The following ZSCAN18 variants were observed in gnomAD, a reference collection of about 807,000 sequenced individuals.
ZSCAN18 encodes zinc finger and SCAN domain containing 18, also known as zinc finger and SCAN domain-containing protein 18.
ZSCAN18 carries 16 observed loss-of-function variants against 31.1 expected under a neutral mutation model. The ratio of observed to expected loss-of-function variants is 0.51; its 90% CI spans 0.35 to 0.78. The LOEUF (loss-of-function observed/expected upper bound fraction) is 0.78. Among genes scored for constraint, ZSCAN18 ranks in the 30% least tolerant of loss-of-function variants. The pLI is 0.01. For missense variants in ZSCAN18, 731 were observed against 697.4 expected, an observed-to-expected ratio of 1.05 and a Z score of -0.54; for synonymous variants, 375 against 320.7, an observed-to-expected ratio of 1.17 and a Z score of -1.81.
chr19:58,118,367 C>T (rs1419695504), exon 1 of ZSCAN18: 3 of 1,533,584 alleles, frequency 2.0e-6, no homozygotes, highest in Non-Finnish European at 2.6e-6. Flanking sequence ...CCGTAGCGTC[C>T]TCGTCAGCTC....
chr19:58,104,972 G>A (rs2074624569), intron 1 of ZSCAN18, among the ~76,000 whole-genome samples: 2 of 152,220 alleles, frequency 1.3e-5, no homozygotes, highest in South Asian at 4.1e-4. Context: ...CTAGAAAGAA[G>A]TCAGTGCCTA....
intron 1 of ZSCAN18, among the ~76,000 whole-genome samples, chr19:58,117,459 G>C (rs569937952): frequency 1.3e-5 from 2 of 152,280 alleles, no homozygotes; most frequent in East Asian, 3.9e-4. Context: ...TGGGTAGGAA[G>C]GGGAAGGAAC....
In ZSCAN18 at chr19:58,085,131, C is replaced by G. The variant is rs780145174; in HGVS notation, c.1087G>C (p.Gly363Arg). 1 of 1,609,218 alleles carries G rather than the reference C, an allele frequency of 6.2e-7. No homozygotes were observed. Among genetic ancestry groups the G allele is most frequent in the African/African-American group, 1.3e-5 (1 of 74,940 alleles). Residue 363 changes from glycine (G) to arginine (R), a missense_variant, in exon 7 of 7, where the codon GGC becomes CGC. This residue lies in a region of ZSCAN18 where 597 missense variants were observed against 499.5 expected (regional missense o/e 1.20). Coordinates refer to ENST00000601144, the MANE Select transcript of ZSCAN18 (RefSeq NM_001145543.2). ...CTCTTGGTTCCCAGTTTCGCCGTGC[C>G]CCTGTCCGGGGCAGGCTGCTGGATG... ...SVIQQPAPDR[G>R]TAKLGTKRPH...
chr19:58,085,482 C>G, intron 6 of ZSCAN18, 103 bp from the exon 7 acceptor site: 1 of 1,052,704 alleles, frequency 9.5e-7, no homozygotes, highest in East Asian at 2.7e-5. Context: ...GGGCTCCGGG[C>G]TCTGGATCCC....
chr19:58,107,971 C>T (rs750933245), intron 1 of ZSCAN18: 810 of 1,054,032 alleles, frequency 7.7e-4, no homozygotes, highest in Non-Finnish European at 8.9e-4. Flanking sequence ...ATGAGGCCCG[C>T]GATGTTCCTG....
chr19:58,090,993 G>C lies in ZSCAN18; in HGVS notation c.-119-607C>G, dbSNP rs982728131. 6.6e-6 allele frequency among the ~76,000 whole-genome samples: 1 copy of C among 151,996 alleles called. No individual in the cohort carries two copies. On this transcript the variant is annotated intron_variant, in intron 1 of 6. Coordinates refer to ENST00000601144, the MANE Select transcript of ZSCAN18 (RefSeq NM_001145543.2). The surrounding 1 kb of genome is among the most constrained non-coding windows in gnomAD (Gnocchi z 4.7). ...GATGTAAAAACCTTGAAATAGGCCAGGCGCGGTGGCTCACGCCCATAATCC... is the reference window on the plus strand; with the variant it reads ...GATGTAAAAACCTTGAAATAGGCCACGCGCGGTGGCTCACGCCCATAATCC...
upstream of ZSCAN18, among the ~76,000 whole-genome samples, chr19:58,099,453 T>C (rs2074573983): frequency 6.6e-6 from 1 of 152,192 alleles, no homozygotes; most frequent in Non-Finnish European, 1.5e-5. Context: ...TATTGAGAAG[T>C]AGTATTCTAT....
intron 1 of ZSCAN18, among the ~76,000 whole-genome samples, chr19:58,107,122 G>A (rs898386224): frequency 5.3e-5 from 8 of 152,052 alleles, no homozygotes; most frequent in African/African-American, 1.9e-4. Context: ...ATCTATGATG[G>A]GCTGCAGAAT....
chr19:58,089,826 ATCTCCTCTGAGCCATGCT>A (rs1311125500), intron 2 of ZSCAN18, 21 bp downstream of exon 2: 1 of 1,554,908 alleles, frequency 6.4e-7, no homozygotes, highest in Non-Finnish European at 8.7e-7. Context: ...TCCCCTCCCC[ATCTCCTCTGAGCCATGCT>A]TCTCCTCTGT....
chr19:58,099,940 A>C (rs2074578277), upstream of ZSCAN18, among the ~76,000 whole-genome samples: 2 of 150,412 alleles, frequency 1.3e-5, no homozygotes, highest in Non-Finnish European at 2.9e-5. Flanking sequence ...ATTTTTAAAA[A>C]AATTGCTCAG....
At chr19:58,086,363 A>G in intron 5 of ZSCAN18, 97 bp from the exon 6 acceptor site, 2 of 1,070,638 alleles carry the variant, frequency 1.9e-6, no homozygotes, top group Non-Finnish European at 2.8e-6. Flanking sequence ...GCTGCAGCCC[A>G]CCTCCTCTTC....
Position 58,090,197 on chromosome 19 carries a change from C to T in ZSCAN18, c.71G>A (p.Gly24Glu), listed in dbSNP as rs2074383400. 2 of 1,613,550 alleles carry T rather than the reference C, an allele frequency of 1.2e-6. No homozygotes were observed. Among genetic ancestry groups the T allele is most frequent in the South Asian group, 1.1e-5 (1 of 91,090 alleles). Residue 24 changes from glycine (G) to glutamate (E), a missense_variant, in exon 2 of 7, where the codon GGG becomes GAG. Around this residue, in one of 4 missense-constraint regions of ZSCAN18, gnomAD observed 86 missense variants for 119.1 expected, o/e 0.72. Transcript: ENST00000601144. The surrounding 1 kb of genome is among the most constrained non-coding windows in gnomAD (Gnocchi z 4.7). ...TTCCTGCTGGACTCCGGCTGCTGACCCCGGCGTGGGCAGATCCGGCGGGGC... is the reference window on the plus strand; with the variant it reads ...TTCCTGCTGGACTCCGGCTGCTGACTCCGGCGTGGGCAGATCCGGCGGGGC... The part of the protein sequence containing the change: ...SPAPPDLPTP[G>E]SAAGVQQEEP...
chr19:58,105,375 C>T lies in ZSCAN18; in HGVS notation c.130+12892G>A, dbSNP rs188715405. ...TTTCCAGTCTTCTTATTTAAGAATG[C>T]AGTTTAGCTGGCCCAGGCGCAGTGG... On this transcript the variant is annotated intron_variant, in intron 1 of 1. Transcript: ENST00000595721. Among the ~76,000 whole-genome samples, 5 of 152,278 alleles carry T rather than the reference C, an allele frequency of 3.3e-5. No individual in the cohort carries two copies. In the East Asian group the frequency reaches 9.6e-4, roughly 29 times the overall value.
At chr19:58,115,615 A>T (rs1476721471) in intron 1 of ZSCAN18, among the ~76,000 whole-genome samples, 2 of 152,230 alleles carry the variant, frequency 1.3e-5, no homozygotes, top group Non-Finnish European at 2.9e-5. Flanking sequence ...TTGTTAGTAT[A>T]AGAAATGCCA....
intron 1 of ZSCAN18, among the ~76,000 whole-genome samples, chr19:58,111,531 G>GTT (rs112124893): frequency 6.9e-5 from 10 of 144,878 alleles, no homozygotes; most frequent in South Asian, 2.2e-4. Flanking sequence ...TTGTTTTTTT[G>GTT]TTTTTTTTTT....
chr19:58,099,969 T>G (rs2074579459), upstream of ZSCAN18, among the ~76,000 whole-genome samples: 2 of 150,680 alleles, frequency 1.3e-5, no homozygotes, highest in South Asian at 4.2e-4. Flanking sequence ...GCTATGTTTT[T>G]TTTTTTTTTG....
At position 58,087,392 on chromosome 19, in the gene ZSCAN18, G is replaced by A. The variant is rs146898830; in HGVS notation, c.566C>T (p.Pro189Leu). Reference sequence around the variant, plus strand: ...CCTCTGTTCCAGAAACAGGGGGTCCGGAGAAAGCCAGGCTGGGGAGAAGGA... The same window carrying A: ...CCTCTGTTCCAGAAACAGGGGGTCCAGAGAAAGCCAGGCTGGGGAGAAGGA... ...PAPSETPWLS[P>L]DPLFLEQRRV... The change falls in exon 4 of 7, where the codon CCG (proline) becomes CTG (leucine). Residue 189 changes from proline to leucine, a missense_variant. By Grantham distance (98) the Pro-to-Leu change is moderately conservative. This residue lies in a region of ZSCAN18 where 597 missense variants were observed against 499.5 expected (regional missense o/e 1.20). Transcript: ENST00000601144. The A allele has an allele frequency of 5.1e-4, 812 of 1,599,868 alleles. No homozygotes were observed. The highest frequency in any genetic ancestry group is 6.4e-4 in the Non-Finnish European group (752 of 1,172,788).
intron 1 of ZSCAN18, among the ~76,000 whole-genome samples, chr19:58,116,981 A>C (rs1051707059): frequency 2.0e-5 from 3 of 152,158 alleles, no homozygotes; most frequent in Middle Eastern, 3.2e-3. Flanking sequence ...TCCGCCTCCC[A>C]GGTTCAAGCG....
At position 58,090,063 on chromosome 19, in the gene ZSCAN18, G is replaced by T; in HGVS notation, c.205C>A (p.Arg69=). 1 of 1,613,856 alleles carries T rather than the reference G, an allele frequency of 6.2e-7. No individual in the cohort carries two copies. The part of the protein sequence containing the change: ...EAAGPHQTLA[R]LHELCRQWLM... ...CACTGGCGGCACAGCTCATGCAGCC[G>T]GGCCAGGGTCTGGTGGGGCCCGGCA... The change falls in exon 2 of 7, where the codon CGG becomes AGG. Residue 69 remains arginine (R), a synonymous_variant. Transcript: ENST00000601144. The surrounding 1 kb of genome is among the most constrained non-coding windows in gnomAD (Gnocchi z 4.7).
Sources: allele counts gnomAD v4.1 joint callset (sites outside exome capture counted in the v4.1 genomes callset), GRCh38; gene constraint gnomAD v4.1.1; regional missense constraint gnomAD v4.1.1; non-coding constraint Gnocchi (gnomAD v3.1); transcripts MANE v1.5; gene names NCBI Gene and HGNC (gene_info 2026-07-23, HGNC 2026-07-21).